GPM6A: variants seen among roughly 807,000 people sequenced by gnomAD.
GPM6A encodes neuronal membrane glycoprotein M6-a.
Under a neutral mutation model 32.1 loss-of-function variants are expected in GPM6A, and 7 were observed. The observed-to-expected ratio is 0.22, with a 90% CI of 0.12 to 0.41. The LOEUF is 0.41. Among genes scored for constraint, GPM6A ranks in the 10% least tolerant of loss-of-function variants. The probability of loss-of-function intolerance (pLI) is 1.00; values close to 1 mark genes in which losing one functional copy is unlikely to be tolerated. For missense variants in GPM6A, 235 were observed against 347.2 expected (o/e 0.68, Z 2.57); for synonymous variants, 130 against 123.4 (o/e 1.05, Z -0.35).
intron 1 of GPM6A, among the ~76,000 whole-genome samples, chr4:175,918,513 A>G (rs111538049): frequency 1.3e-5 from 2 of 152,158 alleles, no homozygotes; most frequent in African/African-American, 4.8e-5. Context: ...AACAACAAAA[A>G]AAAAAAGCTA....
chr4:175,930,192 C>A (rs2126306725), intron 1 of GPM6A, among the ~76,000 whole-genome samples: 1 of 152,180 alleles, frequency 6.6e-6, no homozygotes, highest in African/African-American at 2.4e-5. Flanking sequence ...AAGGCATCTT[C>A]TTTCGTTAAT....
intron 6 of GPM6A, among the ~76,000 whole-genome samples, chr4:175,636,258 C>CTGTA (rs1553967458): frequency 1.2e-4 from 4 of 34,100 alleles, no homozygotes; most frequent in African/African-American, 3.1e-4. Context: ...AGCATAATCA[C>CTGTA]TGTATATATA....
At chr4:175,909,678 AT>A (rs1467508599) in intron 1 of GPM6A, among the ~76,000 whole-genome samples, 4 of 152,294 alleles carry the variant, frequency 2.6e-5, no homozygotes, top group Non-Finnish European at 5.9e-5. Flanking sequence ...AATAACGAGA[AT>A]TCAATTTAAG....
intron 1 of GPM6A, among the ~76,000 whole-genome samples, chr4:175,946,993 C>CA (rs1276109149): frequency 1.3e-5 from 2 of 152,090 alleles, no homozygotes; most frequent in Non-Finnish European, 2.9e-5. Context: ...TAAGAGCCTG[C>CA]ATTTGAAAAT....
At chr4:175,768,632 T>TG (rs1181076866) in intron 1 of GPM6A, among the ~76,000 whole-genome samples, 2 of 152,146 alleles carry the variant, frequency 1.3e-5, no homozygotes, top group African/African-American at 2.4e-5. Context: ...GAAAGTTCAT[T>TG]TGCTCCTTAT....
chr4:175,892,938 G>A, intron 1 of GPM6A, among the ~76,000 whole-genome samples: 1 of 152,308 alleles, frequency 6.6e-6, no homozygotes, highest in South Asian at 2.1e-4. Flanking sequence ...CTCTGTTGAT[G>A]TCTCCTCTCT....
intron 3 of GPM6A, among the ~76,000 whole-genome samples, chr4:175,671,154 C>T (rs1261155220): frequency 1.3e-5 from 2 of 151,848 alleles, no homozygotes; most frequent in Admixed American, 1.3e-4. Context: ...TGAGCCACCA[C>T]GCCCGGCCTG....
At chr4:175,637,651 AATATAAAATATATAATATATATAATAT>A (rs1560842575) in intron 6 of GPM6A, among the ~76,000 whole-genome samples, 4 of 19,394 alleles carry the variant, frequency 2.1e-4, no homozygotes, top group Admixed American at 1.5e-3. Context: ...TATTATATAA[AATATAAAATATATAATATATATAATAT>A]ATATATAATA....
chr4:175,949,925 C>A (rs1223953473), intron 1 of GPM6A, among the ~76,000 whole-genome samples: 1 of 152,122 alleles, frequency 6.6e-6, no homozygotes, highest in Non-Finnish European at 1.5e-5. Context: ...GTTCTCACCA[C>A]ATATTTTCAA....
At chr4:175,995,194 C>T (rs1293954246) in intron 1 of GPM6A, among the ~76,000 whole-genome samples, 1 of 152,094 alleles carries the variant, frequency 6.6e-6, no homozygotes, top group Non-Finnish European at 1.5e-5. Context: ...TGATCTCCTC[C>T]TATGAATCGT....
chr4:175,761,293 C>T (rs1168771114), intron 1 of GPM6A, among the ~76,000 whole-genome samples: 1 of 152,262 alleles, frequency 6.6e-6, no homozygotes, highest in African/African-American at 2.4e-5. Flanking sequence ...AGGGTTTCAC[C>T]ATGTTGGCCA....
chr4:176,002,277 G>C, intron 1 of GPM6A: 1 of 1,597,680 alleles, frequency 6.3e-7, no homozygotes, highest in Non-Finnish European at 8.5e-7. Flanking sequence ...CGAGCCTTTG[G>C]GCGAGGTGTA....
chr4:175,709,337 CT>C (rs1745397234), intron 1 of GPM6A, among the ~76,000 whole-genome samples: 1 of 151,494 alleles, frequency 6.6e-6, no homozygotes, highest in African/African-American at 2.4e-5. Flanking sequence ...CTCTCTCTCT[CT>C]TTCCCTCTCT....
intron 1 of GPM6A, among the ~76,000 whole-genome samples, chr4:175,829,749 G>A (rs1359161942): frequency 6.9e-6 from 1 of 145,100 alleles, no homozygotes; most frequent in South Asian, 2.2e-4. Context: ...TATATATATA[G>A]ATATATATAT....
At chr4:175,969,154 T>C (rs1740422183) in intron 1 of GPM6A, among the ~76,000 whole-genome samples, 1 of 152,164 alleles carries the variant, frequency 6.6e-6, no homozygotes, top group South Asian at 2.1e-4. Context: ...AAGAAGCTAA[T>C]TGAAAAGGCT....
At chr4:175,999,763 A>G (rs1252170269) in intron 1 of GPM6A, among the ~76,000 whole-genome samples, 1 of 152,086 alleles carries the variant, frequency 6.6e-6, no homozygotes, top group Non-Finnish European at 1.5e-5. Flanking sequence ...AAAACAAAAC[A>G]AAAAAACTGG....
At chr4:175,890,463 A>C (rs1390663629) in intron 1 of GPM6A, among the ~76,000 whole-genome samples, 2 of 152,082 alleles carry the variant, frequency 1.3e-5, no homozygotes, top group Non-Finnish European at 2.9e-5. Flanking sequence ...AGTCAAAAAG[A>C]AGCAAACTGA....
rs531573073 is a variant in GPM6A at position 175,829,332 on chromosome 4, G to A, written c.-22-17083C>T. Reference sequence around the variant, plus strand: ...TATCAAGACAGGGGGAAAGTTTCAAGTTGAAAGATTATTTAGTAATATCCT... The same window carrying A: ...TATCAAGACAGGGGGAAAGTTTCAAATTGAAAGATTATTTAGTAATATCCT... On this transcript the variant is annotated intron_variant, in intron 1 of 7. Transcript: ENST00000280187. Among the ~76,000 whole-genome samples the A allele has an allele frequency of 7.2e-5, 11 of 152,258 alleles. No homozygotes were observed. In the South Asian group the frequency reaches 2.3e-3, roughly 32 times the overall value.
chr4:175,905,943 C>T (rs1006844394), intron 1 of GPM6A, among the ~76,000 whole-genome samples: 3 of 152,092 alleles, frequency 2.0e-5, no homozygotes, highest in Admixed American at 6.6e-5. Flanking sequence ...TGGTGTGGAC[C>T]GCATTTCCCT....
Sources: gnomAD v4.1 joint callset for allele counts (sites outside exome capture counted in the v4.1 genomes callset) on GRCh38, gnomAD v4.1.1 for gene constraint, MANE v1.5 for transcripts, NCBI Gene and HGNC (gene_info 2026-07-23, HGNC 2026-07-21) for gene names.